QTMAN: variants seen among roughly 807,000 people sequenced by gnomAD.
QTMAN encodes queuosine-tRNA mannosyltransferase.
the QTMAN span, chr2:143,951,850 T>C: frequency 1.7e-6 from 1 of 584,264 alleles, no homozygotes; most frequent in Non-Finnish European, 3.1e-6. Flanking sequence ...TCCTTGTTAG[T>C]GTAACAACTA....
chr2:144,283,322 C>G, the QTMAN span, among the ~76,000 whole-genome samples: 10 of 152,116 alleles, frequency 6.6e-5, no homozygotes, highest in African/African-American at 2.4e-4. Context: ...TGTAGGATAA[C>G]CAGTTGGTGT....
the QTMAN span, among the ~76,000 whole-genome samples, chr2:144,091,181 T>C: frequency 6.6e-6 from 1 of 152,104 alleles, no homozygotes; most frequent in African/African-American, 2.4e-5. Flanking sequence ...AAAATTTGGA[T>C]TCATACCTCC....
At chr2:144,208,718 G>T in the QTMAN span, 615 of 1,613,582 alleles carry the variant, frequency 3.8e-4, 7 homozygotes, top group East Asian at 0.012. Flanking sequence ...AACTCTTCTT[G>T]AAGAAGATCC....
At chr2:144,157,557 G>A in the QTMAN span, among the ~76,000 whole-genome samples, 2 of 151,866 alleles carry the variant, frequency 1.3e-5, no homozygotes, top group African/African-American at 4.8e-5. Flanking sequence ...GCCCAGGAAA[G>A]CCAGAAAAAA....
At chr2:144,194,509 C>A in the QTMAN span, among the ~76,000 whole-genome samples, 1 of 152,118 alleles carries the variant, frequency 6.6e-6, no homozygotes, top group East Asian at 1.9e-4. Context: ...ATTCACACTG[C>A]GTGGGCTAAT....
chr2:144,231,843 G>GGT, the QTMAN span, among the ~76,000 whole-genome samples: 16,461 of 138,154 alleles, frequency 0.12, 934 homozygotes, highest in Middle Eastern at 0.18. Flanking sequence ...GAATGAAAGA[G>GGT]GTGTGTGTGT....
At chr2:144,112,601 C>A in the QTMAN span, among the ~76,000 whole-genome samples, 231 of 152,262 alleles carry the variant, frequency 1.5e-3, no homozygotes, top group South Asian at 4.6e-3. Flanking sequence ...CTACTCTGCC[C>A]AACACCATGG....
chr2:144,235,119 C>G, the QTMAN span, among the ~76,000 whole-genome samples: 2 of 152,136 alleles, frequency 1.3e-5, no homozygotes, highest in African/African-American at 2.4e-5. Context: ...CTGATAGTTG[C>G]AGGCAAGGCA....
the QTMAN span, among the ~76,000 whole-genome samples, chr2:144,039,621 A>G: frequency 9.9e-5 from 15 of 152,214 alleles, no homozygotes; most frequent in Non-Finnish European, 4.4e-5. Flanking sequence ...CAAATTGAAC[A>G]TGCCATTCAC....
the QTMAN span, among the ~76,000 whole-genome samples, chr2:143,961,604 T>C: frequency 6.6e-6 from 1 of 152,160 alleles, no homozygotes; most frequent in East Asian, 1.9e-4. Context: ...AGTGATGTTT[T>C]CATATTTATA....
At chr2:144,097,266 A>G in the QTMAN span, among the ~76,000 whole-genome samples, 5 of 152,180 alleles carry the variant, frequency 3.3e-5, no homozygotes, top group Non-Finnish European at 5.9e-5. Context: ...ATTACTTACT[A>G]CTTAAAGCAT....
the QTMAN span, among the ~76,000 whole-genome samples, chr2:144,258,221 CA>C: frequency 9.5e-5 from 10 of 104,980 alleles, no homozygotes; most frequent in East Asian, 5.4e-4. Flanking sequence ...AACATTCTTG[CA>C]AAAAAAAAAC....
At chr2:144,101,148 T>G in the QTMAN span, among the ~76,000 whole-genome samples, 12 of 152,222 alleles carry the variant, frequency 7.9e-5, no homozygotes, top group Non-Finnish European at 1.2e-4. Context: ...GATTACAGGC[T>G]TGAGCCACCG....
chr2:144,287,174 C>T, the QTMAN span, among the ~76,000 whole-genome samples: 2 of 152,192 alleles, frequency 1.3e-5, no homozygotes, highest in Non-Finnish European at 2.9e-5. Context: ...CGGTGGCTCA[C>T]GCCTGTAATC....
chr2:144,101,624 A>T, the QTMAN span, among the ~76,000 whole-genome samples: 136 of 152,262 alleles, frequency 8.9e-4, no homozygotes, highest in Middle Eastern at 3.4e-3. Flanking sequence ...TCCCCACAGA[A>T]TTCTCCAGGT....
the QTMAN span, among the ~76,000 whole-genome samples, chr2:144,043,175 T>C: frequency 6.6e-6 from 1 of 152,038 alleles, no homozygotes; most frequent in Admixed American, 6.6e-5. Context: ...GAGTAGTTAA[T>C]TTCTATATTG....
the QTMAN span, among the ~76,000 whole-genome samples, chr2:144,174,884 A>G: frequency 6.6e-5 from 10 of 152,144 alleles, no homozygotes; most frequent in Non-Finnish European, 1.5e-4. Flanking sequence ...GTATTTCTTC[A>G]TAGGAGTATG....
the QTMAN span, among the ~76,000 whole-genome samples, chr2:143,961,525 T>G: frequency 2.6e-5 from 4 of 152,158 alleles, no homozygotes; most frequent in African/African-American, 9.7e-5. Context: ...TATTTTCCTG[T>G]GTCTTTCCCA....
chr2:144,306,561 T>G, the QTMAN span, among the ~76,000 whole-genome samples: 1 of 152,084 alleles, frequency 6.6e-6, no homozygotes, highest in African/African-American at 2.4e-5. Flanking sequence ...TCACCTAAAC[T>G]TAATTACTTC....
Sources: allele counts gnomAD v4.1 joint callset (sites outside exome capture counted in the v4.1 genomes callset), GRCh38; gene constraint gnomAD v4.1.1; transcripts MANE v1.5; gene names NCBI Gene and HGNC (gene_info 2026-07-23, HGNC 2026-07-21).